The following TNS3 variants were observed in gnomAD, a reference collection of about 807,000 sequenced individuals.
TNS3 encodes the protein tensin 3, also known as tensin-3.
TNS3 carries 45 observed loss-of-function variants against 140.9 expected under a neutral mutation model. That is an observed-to-expected ratio of 0.32 (90% CI 0.25 to 0.41). The LOEUF is 0.41. TNS3 is among the 10% of genes least tolerant of loss of function. The pLI, the probability that TNS3 is intolerant of heterozygous loss-of-function variation, is 1.00. For missense variants in TNS3, 1,716 were observed against 1,906.7 expected, an observed-to-expected ratio of 0.90 and a Z score of 1.86; for synonymous variants, 815 against 788.4, an observed-to-expected ratio of 1.03 and a Z score of -0.56.
intron 1 of TNS3, among the ~76,000 whole-genome samples, chr7:47,534,417 C>G (rs1799528951): frequency 6.6e-6 from 1 of 152,300 alleles, no homozygotes; most frequent in South Asian, 2.1e-4. Flanking sequence ...TATCCTCCCC[C>G]TCCTGTCTCT....
At position 47,415,038 on chromosome 7, in the gene TNS3, C is replaced by T. The variant is rs1390236061; in HGVS notation, c.586+56G>A. The T allele has an allele frequency of 3.0e-6, 4 of 1,350,424 alleles. No homozygotes were observed. The African/African-American group carries it at 4.4e-5, about 15-fold the overall frequency. The allele number at this position is 1,350,424 out of a possible 1,614,324, so 83.7% of individuals were successfully genotyped here. A position where few individuals can be genotyped will look rare whatever the true frequency, so the allele number is the denominator to read the frequency against. On this transcript the variant is annotated intron_variant, in intron 11 of 30. Transcript: ENST00000311160. ...CTTATCTAAATTGAGGGGCCCAGGA[C>T]CAGCTCCAAGTCTGGGCCAGCCAAT... is the stretch of plus-strand genomic sequence containing the variant.
chr7:47,473,484 C>T (rs181425408), intron 4 of TNS3, among the ~76,000 whole-genome samples: 4 of 152,290 alleles, frequency 2.6e-5, no homozygotes, highest in South Asian at 4.2e-4. Context: ...ACCATGAGCA[C>T]GCACACATAC....
In TNS3 at chr7:47,368,602, G is replaced by A; in HGVS notation, c.2044C>T (p.Leu682=). 1 of 1,587,836 alleles carries A rather than the reference G, an allele frequency of 6.3e-7. No homozygotes were observed. Among genetic ancestry groups the A allele is most frequent in the Non-Finnish European group, 8.6e-7 (1 of 1,166,514 alleles). ...DQVVNGAGPE[L]STGPSPGSPT... ...GAGCCTGGGGAGGGGCCTGTGCTCA[G>A]CTCTGGGCCGGCTCCATTCACAACC... is the stretch of plus-strand genomic sequence containing the variant. Residue 682 remains leucine, a synonymous_variant, in exon 17 of 31, where the codon CTG becomes TTG. Transcript: ENST00000311160.
At chr7:47,497,196 T>C (rs1230904592) in intron 3 of TNS3, among the ~76,000 whole-genome samples, 2 of 152,330 alleles carry the variant, frequency 1.3e-5, no homozygotes, top group Non-Finnish European at 2.9e-5. Flanking sequence ...TGCATAGTGA[T>C]TTATGCTAGC....
chr7:47,304,498 T>C (rs1160937896), intron 21 of TNS3, among the ~76,000 whole-genome samples: 1 of 152,198 alleles, frequency 6.6e-6, no homozygotes, highest in African/African-American at 2.4e-5. Flanking sequence ...GTAGTATCTT[T>C]GTGAAGCAGA....
At chr7:47,450,658 C>A (rs1432069502) in intron 4 of TNS3, among the ~76,000 whole-genome samples, 3 of 152,238 alleles carry the variant, frequency 2.0e-5, no homozygotes, top group Non-Finnish European at 4.4e-5. Context: ...GAAAGCAGGT[C>A]TCCACTATCT....
At chr7:47,391,113 G>A (rs189023230) in intron 16 of TNS3, among the ~76,000 whole-genome samples, 59 of 152,238 alleles carry the variant, frequency 3.9e-4, no homozygotes, top group African/African-American at 1.3e-3. Context: ...CTTCCACCCC[G>A]TGAATATGTG....
intron 4 of TNS3, among the ~76,000 whole-genome samples, chr7:47,478,572 A>G (rs182018070): frequency 2.4e-4 from 36 of 152,292 alleles, no homozygotes; most frequent in African/African-American, 8.7e-4. Flanking sequence ...CACATTAATA[A>G]TTACATACAA....
chr7:47,473,060 C>T (rs575313878), intron 4 of TNS3, among the ~76,000 whole-genome samples: 3 of 152,290 alleles, frequency 2.0e-5, no homozygotes, highest in South Asian at 2.1e-4. Context: ...TCCTCCCACC[C>T]GACTGCTCAG....
intron 20 of TNS3, among the ~76,000 whole-genome samples, chr7:47,317,993 G>A (rs570712039): frequency 6.6e-6 from 1 of 152,328 alleles, no homozygotes; most frequent in Admixed American, 6.5e-5. Context: ...TAAGTGTACA[G>A]TGCTGTAGCA....
At chr7:47,465,882 C>A (rs932425762) in intron 4 of TNS3, among the ~76,000 whole-genome samples, 3 of 151,732 alleles carry the variant, frequency 2.0e-5, no homozygotes, top group Non-Finnish European at 4.4e-5. Flanking sequence ...CGAGATCACA[C>A]CATTGCACTC....
At chr7:47,397,606 T>C (rs1043305379) in intron 15 of TNS3, among the ~76,000 whole-genome samples, 2 of 152,222 alleles carry the variant, frequency 1.3e-5, no homozygotes, top group Non-Finnish European at 2.9e-5. Context: ...GATGAAATCA[T>C]GATGGAAATT....
intron 3 of TNS3, among the ~76,000 whole-genome samples, chr7:47,495,124 G>A (rs1418310852): frequency 1.3e-5 from 2 of 150,976 alleles, no homozygotes; most frequent in African/African-American, 4.9e-5. Context: ...CCGGGAGGCG[G>A]AGCTTGCAGT....
intron 22 of TNS3, 132 bp downstream of exon 22, chr7:47,302,818 A>C: frequency 7.8e-7 from 1 of 1,275,502 alleles, no homozygotes; most frequent in Non-Finnish European, 1.1e-6. Context: ...AAGTACCCCA[A>C]CGGCTCTGGA....
intron 16 of TNS3, among the ~76,000 whole-genome samples, chr7:47,391,406 G>A (rs747920431): frequency 2.0e-5 from 3 of 152,222 alleles, no homozygotes. Flanking sequence ...TGAGATGCGT[G>A]AATATGACAA....
At chr7:47,304,681 G>T in intron 21 of TNS3, 151 bp downstream of exon 21, 1 of 702,602 alleles carries the variant, frequency 1.4e-6, no homozygotes, top group Non-Finnish European at 2.0e-6. Context: ...ACACAGCCCT[G>T]GTCCCCTGCC....
At position 47,400,787 on chromosome 7, in the gene TNS3, T is replaced by G. The variant is rs1412220850; in HGVS notation, c.851A>C (p.Lys284Thr). The G allele has an allele frequency of 6.2e-7, 1 of 1,614,036 alleles. No individual in the cohort carries two copies. The highest frequency in any genetic ancestry group is 1.7e-5 in the Admixed American group (1 of 60,024). ...GGGCCGCCAGCTCCGCGCCTCACCT[T>G]TGCTGGCATTGTCCAGATCCTCCTT... ...FGKEDLDNASKDDRFPDYGKV... is the reference protein window; with the variant it reads ...FGKEDLDNASTDDRFPDYGKV... The change falls in exon 14 of 31, where the codon AAA becomes ACA. Residue 284 changes from lysine (K) to threonine (T), a missense_variant and splice_region_variant. This residue lies in a region of TNS3 where 337 missense variants were observed against 428.9 expected (regional missense o/e 0.79). Coordinates refer to ENST00000311160, the MANE Select transcript of TNS3 (RefSeq NM_022748.12).
At chr7:47,387,763 G>C (rs947322010) in intron 16 of TNS3, among the ~76,000 whole-genome samples, 1 of 152,230 alleles carries the variant, frequency 6.6e-6, no homozygotes, top group African/African-American at 2.4e-5. Context: ...AGAAGAGCCA[G>C]AGCACGCACA....
chr7:47,358,722 A>C (rs892316285), intron 17 of TNS3, among the ~76,000 whole-genome samples: 2 of 152,232 alleles, frequency 1.3e-5, no homozygotes, highest in Non-Finnish European at 2.9e-5. Context: ...TGCAGTGGAC[A>C]TGTGGCATGA....
Sources: allele counts gnomAD v4.1 joint callset (sites outside exome capture counted in the v4.1 genomes callset), GRCh38; gene constraint gnomAD v4.1.1; regional missense constraint gnomAD v4.1.1; transcripts MANE v1.5; gene names NCBI Gene and HGNC (gene_info 2026-07-23, HGNC 2026-07-21).